Variants in ADGRB3 observed in about 807,000 individuals in gnomAD.
The protein encoded by ADGRB3 is adhesion G protein-coupled receptor B3.
In ADGRB3, 37 loss-of-function variants were observed where a neutral mutation model predicts 193.4. That is an observed-to-expected ratio of 0.19 (90% confidence interval 0.15 to 0.25). The LOEUF is 0.25. Among genes scored for constraint, ADGRB3 ranks in the 10% least tolerant of loss-of-function variants. The pLI, the probability that ADGRB3 is intolerant of heterozygous loss-of-function variation, is 1.00. For missense variants in ADGRB3, 1,637 were observed against 1,852.9 expected, an observed-to-expected ratio of 0.88 and a Z score of 2.14; for synonymous variants, 690 against 644.2, an observed-to-expected ratio of 1.07 and a Z score of -1.08.
At chr6:68,956,919 C>A in intron 8 of ADGRB3, 110 bp downstream of exon 8, 1 of 1,227,464 alleles carries the variant, frequency 8.1e-7, no homozygotes, top group Non-Finnish European at 1.1e-6. Context: ...TAAAGAACTA[C>A]TAATGATAGG....
intron 8 of ADGRB3, among the ~76,000 whole-genome samples, chr6:68,965,278 A>T (rs1382258260): frequency 6.6e-6 from 1 of 152,184 alleles, no homozygotes; most frequent in Admixed American, 6.6e-5. Flanking sequence ...TGAATTCTTC[A>T]CATGAGTAGG....
rs140092792 is a variant in ADGRB3 at position 68,738,442 on chromosome 6, G to C, written c.757+99010G>C. ...GCTGGGGGACAAAGCTAGAAGCAGG[G>C]AGATGAATTAGGGGGGAAATAAGTT... On this transcript the variant is annotated intron_variant, in intron 3 of 31. Coordinates refer to ENST00000370598, the MANE Select transcript of ADGRB3 (RefSeq NM_001704.3). Among the ~76,000 whole-genome samples the C allele has an allele frequency of 2.9e-3, 448 of 152,228 alleles. 2 individuals are homozygous for C. Among genetic ancestry groups the C allele is most frequent in the African/African-American group, 0.01 (435 of 41,562 alleles).
chr6:68,796,675 C>T (rs1307185902), intron 3 of ADGRB3, among the ~76,000 whole-genome samples: 2 of 152,124 alleles, frequency 1.3e-5, no homozygotes, highest in East Asian at 3.9e-4. Context: ...CTGTGCAATG[C>T]AATGTTTGCT....
chr6:68,711,610 A>G (rs1765410058), intron 3 of ADGRB3, among the ~76,000 whole-genome samples: 1 of 152,066 alleles, frequency 6.6e-6, no homozygotes, highest in Admixed American at 6.6e-5. Flanking sequence ...TTGGCTGAAG[A>G]ATCAGCTAGC....
intron 3 of ADGRB3, among the ~76,000 whole-genome samples, chr6:68,795,841 G>A (rs998967449): frequency 2.6e-5 from 4 of 152,090 alleles, no homozygotes; most frequent in African/African-American, 7.2e-5. Context: ...CCCTAGAACA[G>A]CATTTGTTTC....
rs559362032 is a variant in ADGRB3, at chr6:68,725,533, T to G, written c.757+86101T>G. On this transcript the variant is annotated intron_variant, in intron 3 of 31. Coordinates refer to ENST00000370598, the MANE Select transcript of ADGRB3 (RefSeq NM_001704.3). ...AAATCAAAAGGTATTGATGACCAGT[T>G]TGATGTCAGAGGTGAGGAAAACAAG... is the stretch of plus-strand genomic sequence containing the variant. 2.6e-5 allele frequency among the ~76,000 whole-genome samples: 4 copies of G among 151,748 alleles called. No homozygotes were observed. The South Asian group carries it at 8.3e-4, about 31-fold the overall frequency.
intron 20 of ADGRB3, among the ~76,000 whole-genome samples, chr6:69,316,713 C>A (rs1303265659): frequency 6.6e-6 from 1 of 151,366 alleles, no homozygotes; most frequent in Non-Finnish European, 1.5e-5. Flanking sequence ...GGGATAAAAG[C>A]TTAGGGGAGA....
At chr6:68,794,400 T>G (rs1767167695) in intron 3 of ADGRB3, among the ~76,000 whole-genome samples, 2 of 152,046 alleles carry the variant, frequency 1.3e-5, no homozygotes, top group African/African-American at 4.8e-5. Context: ...TAAGAATTAT[T>G]AAAGCTATGG....
At chr6:68,760,948 A>G (rs1314659540) in intron 3 of ADGRB3, among the ~76,000 whole-genome samples, 1 of 152,206 alleles carries the variant, frequency 6.6e-6, no homozygotes. Flanking sequence ...TCCTTTTGCT[A>G]AACTTATAAT....
chr6:69,140,808 A>G (rs1244981136), intron 17 of ADGRB3, among the ~76,000 whole-genome samples: 1 of 152,140 alleles, frequency 6.6e-6, no homozygotes, highest in African/African-American at 2.4e-5. Flanking sequence ...ATAAAAATCA[A>G]AAAAAGAGAA....
At chr6:69,338,856 T>G (rs1768909658) in intron 24 of ADGRB3, 60 bp from the exon 25 acceptor site, 1 of 1,288,232 alleles carries the variant, frequency 7.8e-7, no homozygotes, top group Admixed American at 2.1e-5. Flanking sequence ...GAAGCAGCAA[T>G]TTTTTTTTGG....
intron 17 of ADGRB3, among the ~76,000 whole-genome samples, chr6:69,196,763 G>A (rs1482633984): frequency 6.6e-6 from 1 of 152,100 alleles, no homozygotes; most frequent in Non-Finnish European, 1.5e-5. Flanking sequence ...TACATAATGA[G>A]AGAGCAGAGC....
intron 17 of ADGRB3, among the ~76,000 whole-genome samples, chr6:69,171,487 C>T (rs1775270094): frequency 1.3e-5 from 2 of 152,164 alleles, no homozygotes; most frequent in South Asian, 4.1e-4. Flanking sequence ...AGTCCATTTG[C>T]TATGGGGTAA....
At chr6:69,108,166 G>C (rs1282258572) in intron 17 of ADGRB3, among the ~76,000 whole-genome samples, 1 of 151,636 alleles carries the variant, frequency 6.6e-6, no homozygotes. Flanking sequence ...TTTCTTTTAG[G>C]AGAGACTGTA....
intron 8 of ADGRB3, among the ~76,000 whole-genome samples, chr6:68,969,108 C>T (rs750813010): frequency 6.6e-6 from 1 of 151,598 alleles, no homozygotes; most frequent in Non-Finnish European, 1.5e-5. Context: ...TTCATTACAA[C>T]AGATTAAAAA....
rs1221500746 is a variant in ADGRB3 at position 68,698,238 on chromosome 6, TG to T, written c.757+58807del. On this transcript the variant is annotated intron_variant, in intron 3 of 31. Coordinates refer to ENST00000370598, the MANE Select transcript of ADGRB3 (RefSeq NM_001704.3). ...CAATTTAGAACACTTTGGAACTGAA[TG>T]TTTTTTATGTGGTTGGTAGTGCGGA... 2.6e-5 allele frequency among the ~76,000 whole-genome samples: 4 copies of T among 151,986 alleles called. No homozygotes were observed. The South Asian group carries it at 8.3e-4, about 31-fold the overall frequency.
At chr6:69,149,090 G>T (rs2150340594) in intron 17 of ADGRB3, among the ~76,000 whole-genome samples, 1 of 152,108 alleles carries the variant, frequency 6.6e-6, no homozygotes, top group Admixed American at 6.5e-5. Context: ...CACTAGGATT[G>T]GGAAGTTCTC....
intron 17 of ADGRB3, among the ~76,000 whole-genome samples, chr6:69,134,277 C>T (rs990410387): frequency 6.6e-6 from 1 of 152,084 alleles, no homozygotes; most frequent in Admixed American, 6.6e-5. Flanking sequence ...CAATTCAATT[C>T]TTAACCTTTA....
At chr6:69,270,274 T>C (rs947506730) in intron 20 of ADGRB3, among the ~76,000 whole-genome samples, 11 of 152,158 alleles carry the variant, frequency 7.2e-5, no homozygotes, top group African/African-American at 2.2e-4. Flanking sequence ...AACATACTGT[T>C]GGTAACACAG....
Sources: gnomAD v4.1 joint callset for allele counts (sites outside exome capture counted in the v4.1 genomes callset) on GRCh38, gnomAD v4.1.1 for gene constraint, MANE v1.5 for transcripts, NCBI Gene and HGNC (gene_info 2026-07-23, HGNC 2026-07-21) for gene names.